The following MTM1 variants were observed in gnomAD, a reference collection of about 807,000 sequenced individuals.
MTM1 encodes the protein myotubularin.
In MTM1, 9 loss-of-function variants were observed where a neutral mutation model predicts 52.1. The ratio of observed to expected loss-of-function variants is 0.17; its 90% CI spans 0.10 to 0.30. MTM1 has a LOEUF of 0.30. Among genes scored for constraint, MTM1 ranks in the 10% least tolerant of loss-of-function variants. MTM1 has a pLI of 1.00. For synonymous variants in MTM1, 136 were observed against 163.8 expected (o/e 0.83, Z 1.29); for missense variants, 277 against 470.7 (o/e 0.59, Z 3.81).
At chrX:150,628,238 G>C (rs1262295538) in intron 6 of MTM1, among the ~76,000 whole-genome samples, 1 of 111,830 alleles carries the variant, frequency 8.9e-6, no homozygotes, top group African/African-American at 3.3e-5. Flanking sequence ...TTTGGCTTCT[G>C]AGTAAAAAAG....
At chrX:150,600,761 G>C (rs1259583312) in intron 4 of MTM1, among the ~76,000 whole-genome samples, 6 of 112,059 alleles carry the variant, frequency 5.4e-5, no homozygotes, top group Non-Finnish European at 7.5e-5. Context: ...AAGATTTTAT[G>C]CTAATATATG....
intron 6 of MTM1, among the ~76,000 whole-genome samples, chrX:150,620,107 A>G (rs781930709): frequency 8.9e-6 from 1 of 112,206 alleles, no homozygotes; most frequent in Admixed American, 9.4e-5. Context: ...TCTGATGGGA[A>G]CACATCTTCT....
chrX:150,645,917 G>A, intron 9 of MTM1, 46 bp downstream of exon 9: 2 of 1,121,213 alleles, frequency 1.8e-6, no homozygotes, highest in Non-Finnish European at 2.5e-6. Flanking sequence ...TACATATGGA[G>A]TGCAGTGTTT....
chrX:150,599,669 TA>T (rs1557412705), intron 4 of MTM1, among the ~76,000 whole-genome samples: 1 of 112,224 alleles, frequency 8.9e-6, no homozygotes, highest in Non-Finnish European at 1.9e-5. Flanking sequence ...AAATGCTGTT[TA>T]TTATCCCCAT....
chrX:150,639,327 AT>A (rs5904284), intron 7 of MTM1, among the ~76,000 whole-genome samples: 29,533 of 111,247 alleles, frequency 0.27, 3,067 homozygotes, highest in South Asian at 0.48. Context: ...AATACTTAGG[AT>A]TTAGAAAAGT....
chrX:150,563,880 T>G (rs996999835), upstream of MTM1, among the ~76,000 whole-genome samples: 2 of 111,321 alleles, frequency 1.8e-5, no homozygotes, highest in African/African-American at 6.6e-5. Context: ...AGTAAAACTC[T>G]GTCTCAAAAC....
At chrX:150,605,453 G>A (rs2039139374) in intron 4 of MTM1, among the ~76,000 whole-genome samples, 1 of 112,375 alleles carries the variant, frequency 8.9e-6, no homozygotes, top group Admixed American at 9.4e-5. Flanking sequence ...GGACAAATTT[G>A]TTGTTTGGCT....
At chrX:150,667,413 T>A (rs1262825393) in intron 14 of MTM1, among the ~76,000 whole-genome samples, 1 of 111,634 alleles carries the variant, frequency 9.0e-6, no homozygotes, top group Non-Finnish European at 1.9e-5. Flanking sequence ...GTAGAATTGA[T>A]CACCTTCAAA....
chrX:150,579,041 ATCTATC>A (rs2038529073), intron 1 of MTM1, among the ~76,000 whole-genome samples: 2 of 108,443 alleles, frequency 1.8e-5, no homozygotes, highest in African/African-American at 6.7e-5. Flanking sequence ...CTATCTATCT[ATCTATC>A]TATCTATCTG....
At chrX:150,605,104 A>G (rs1225171759) in intron 4 of MTM1, among the ~76,000 whole-genome samples, 1 of 112,158 alleles carries the variant, frequency 8.9e-6, no homozygotes, top group African/African-American at 3.2e-5. Flanking sequence ...AGCTTATGAA[A>G]AATAACATAA....
At chrX:150,629,424 C>T (rs898268194) in intron 6 of MTM1, among the ~76,000 whole-genome samples, 3 of 111,673 alleles carry the variant, frequency 2.7e-5, no homozygotes, top group Non-Finnish European at 5.6e-5. Context: ...ATAGTACTTT[C>T]TCTCTCCCAC....
At chrX:150,583,733 A>G (rs1357199619) in intron 1 of MTM1, among the ~76,000 whole-genome samples, 1 of 46,752 alleles carries the variant, frequency 2.1e-5, no homozygotes, top group Non-Finnish European at 3.5e-5. Flanking sequence ...TATAAATTAT[A>G]TATTATATAT....
At chrX:150,631,667 CAAAAAAAAAA>C (rs34042424) in intron 6 of MTM1, among the ~76,000 whole-genome samples, 4 of 35,455 alleles carry the variant, frequency 1.1e-4, no homozygotes, top group Non-Finnish European at 1.8e-4. Flanking sequence ...ACTCCATCTC[CAAAAAAAAAA>C]AAAAAAAAAA....
chrX:150,635,338 A>C (rs1557413688), intron 6 of MTM1, among the ~76,000 whole-genome samples: 1 of 112,371 alleles, frequency 8.9e-6, no homozygotes, highest in African/African-American at 3.2e-5. Flanking sequence ...CTTGAGAGCC[A>C]GCTCTCTCCA....
intron 3 of MTM1, chrX:150,596,773 T>A (rs2038984222): frequency 5.1e-6 from 2 of 394,919 alleles, no homozygotes; most frequent in Non-Finnish European, 8.9e-6. Flanking sequence ...GGTAGTGATA[T>A]TCTTGTGTCT....
At chrX:150,669,933 A>AT (rs2040369527) in intron 14 of MTM1, among the ~76,000 whole-genome samples, 1 of 111,867 alleles carries the variant, frequency 8.9e-6, no homozygotes, top group African/African-American at 3.3e-5. Context: ...TGTTTTTGTC[A>AT]TGAAGTCTTT....
chrX:150,583,040 A>G (rs2038615515), intron 1 of MTM1, among the ~76,000 whole-genome samples: 1 of 91,000 alleles, frequency 1.1e-5, no homozygotes, highest in Non-Finnish European at 2.1e-5. Flanking sequence ...ATATATTTAA[A>G]TATAATTTAT....
chrX:150,609,317 G>A (rs1226846981), intron 4 of MTM1, among the ~76,000 whole-genome samples: 2 of 111,441 alleles, frequency 1.8e-5, no homozygotes, highest in Non-Finnish European at 3.8e-5. Context: ...GAAGTTGCTG[G>A]TAGAATTGGA....
intron 8 of MTM1, among the ~76,000 whole-genome samples, chrX:150,643,407 G>A (rs1015372999): frequency 1.8e-5 from 2 of 111,263 alleles, no homozygotes; most frequent in Non-Finnish European, 3.8e-5. Flanking sequence ...AGTAATGCAC[G>A]TTCATTTTAA....
Sources: allele counts gnomAD v4.1 joint callset (sites outside exome capture counted in the v4.1 genomes callset), GRCh38; gene constraint gnomAD v4.1.1; transcripts MANE v1.5; gene names NCBI Gene and HGNC (gene_info 2026-07-23, HGNC 2026-07-21).